LPAR1: variants seen among roughly 807,000 people sequenced by gnomAD.
LPAR1 encodes LPA receptor 1.
A neutral mutation model predicts 23.8 loss-of-function variants in LPAR1; 5 were observed. The observed-to-expected ratio is 0.21, with a 90% CI of 0.11 to 0.44. LPAR1 has a LOEUF of 0.44. LPAR1 is among the 20% of genes least tolerant of loss of function. LPAR1 has a pLI of 0.99. For synonymous variants in LPAR1, 160 were observed against 164.7 expected, an observed-to-expected ratio of 0.97 and a Z score of 0.22; for missense variants, 311 against 482.8, an observed-to-expected ratio of 0.64 and a Z score of 3.33.
intron 4 of LPAR1, 130 bp downstream of exon 4, chr9:110,971,943 C>G (rs1033710607): frequency 5.1e-6 from 4 of 791,342 alleles, no homozygotes; most frequent in Non-Finnish European, 8.5e-6. Context: ...CACCATTATT[C>G]GAATACACAC....
At chr9:110,903,882 C>CAAAAAAAA (rs61456167) in intron 5 of LPAR1, among the ~76,000 whole-genome samples, 1 of 77,250 alleles carries the variant, frequency 1.3e-5, no homozygotes, top group Non-Finnish European at 2.4e-5. Context: ...AAGTGAATTG[C>CAAAAAAAA]AAAAAAAAAA....
intron 4 of LPAR1, among the ~76,000 whole-genome samples, chr9:110,944,886 T>C (rs2095317365): frequency 1.3e-5 from 2 of 152,180 alleles, no homozygotes. Context: ...TGGACTAACT[T>C]ATACATAAGG....
intron 2 of LPAR1, among the ~76,000 whole-genome samples, chr9:111,015,478 T>C (rs573869990): frequency 5.3e-5 from 8 of 152,166 alleles, no homozygotes; most frequent in South Asian, 2.1e-4. Flanking sequence ...AACTTATAGG[T>C]AGAATCTTAA....
chr9:110,902,481 G>T (rs182752081), intron 5 of LPAR1, among the ~76,000 whole-genome samples: 8 of 152,032 alleles, frequency 5.3e-5, no homozygotes, highest in African/African-American at 7.2e-5. Flanking sequence ...TGTGAAGAAG[G>T]ACGTGTTTGC....
At chr9:110,934,948 GGAT>G (rs1321024025) in intron 5 of LPAR1, among the ~76,000 whole-genome samples, 2 of 152,090 alleles carry the variant, frequency 1.3e-5, no homozygotes, top group Admixed American at 1.3e-4. Context: ...AAAGCTAACA[GGAT>G]GCTAATATAT....
At chr9:111,037,825 C>G (rs1424342481) in intron 1 of LPAR1, 1 of 152,210 alleles carries the variant, frequency 6.6e-6, no homozygotes, top group East Asian at 1.9e-4. Context: ...CTGGGCGGGC[C>G]CCGGGGCGCA....
chr9:110,984,614 T>C (rs1400247088), intron 2 of LPAR1, among the ~76,000 whole-genome samples: 2 of 152,060 alleles, frequency 1.3e-5, no homozygotes, highest in Non-Finnish European at 2.9e-5. Flanking sequence ...TGCTGGATCA[T>C]ATGGTATAAT....
intron 2 of LPAR1, among the ~76,000 whole-genome samples, chr9:111,008,281 T>C (rs1039194469): frequency 2.0e-5 from 3 of 151,990 alleles, no homozygotes; most frequent in African/African-American, 7.3e-5. Flanking sequence ...AAGAGCAAAA[T>C]ACAGTGAAAA....
At chr9:110,917,149 C>T (rs909572738) in intron 5 of LPAR1, among the ~76,000 whole-genome samples, 1 of 145,790 alleles carries the variant, frequency 6.9e-6, no homozygotes, top group East Asian at 2.0e-4. Context: ...ACCAGCCTGG[C>T]TAACAAAGTG....
At chr9:110,890,423 A>C (rs2083745178) in intron 5 of LPAR1, among the ~76,000 whole-genome samples, 1 of 152,232 alleles carries the variant, frequency 6.6e-6, no homozygotes, top group Non-Finnish European at 1.5e-5. Context: ...ACATTTAAAA[A>C]AAATTCCAAT....
At chr9:111,029,596 T>C (rs983728816) in intron 2 of LPAR1, among the ~76,000 whole-genome samples, 8 of 152,092 alleles carry the variant, frequency 5.3e-5, no homozygotes, top group Non-Finnish European at 8.8e-5. Flanking sequence ...TAAGGCTGAC[T>C]TACCCTCTCC....
At chr9:110,951,221 G>A (rs2095559244) in intron 4 of LPAR1, among the ~76,000 whole-genome samples, 1 of 151,880 alleles carries the variant, frequency 6.6e-6, no homozygotes, top group South Asian at 2.1e-4. Context: ...ATAATTTTAA[G>A]AAGAAAATGA....
intron 2 of LPAR1, among the ~76,000 whole-genome samples, chr9:111,035,136 A>G (rs779875931): frequency 1.3e-5 from 2 of 152,034 alleles, no homozygotes; most frequent in Non-Finnish European, 2.9e-5. Context: ...CCTTGCATCT[A>G]CCACATGGAA....
intron 2 of LPAR1, among the ~76,000 whole-genome samples, chr9:111,030,454 G>T (rs943054971): frequency 1.3e-5 from 2 of 152,188 alleles, no homozygotes; most frequent in Non-Finnish European, 2.9e-5. Context: ...CAAGGCGGGG[G>T]TCCTCACTGA....
At chr9:111,017,484 C>A (rs1359776137) in intron 2 of LPAR1, among the ~76,000 whole-genome samples, 2 of 152,184 alleles carry the variant, frequency 1.3e-5, no homozygotes, top group African/African-American at 2.4e-5. Flanking sequence ...CACTTTATTT[C>A]CCCAAGGCAC....
intron 5 of LPAR1, among the ~76,000 whole-genome samples, chr9:110,879,147 G>A (rs2079970576): frequency 6.6e-6 from 1 of 152,072 alleles, no homozygotes; most frequent in African/African-American, 2.4e-5. Flanking sequence ...CCCGGTGCGG[G>A]AGCTCACGCC....
chr9:110,912,240 A>T (rs2092543530), intron 5 of LPAR1, among the ~76,000 whole-genome samples: 1 of 152,184 alleles, frequency 6.6e-6, no homozygotes, highest in South Asian at 2.1e-4. Flanking sequence ...CTTTGCTGTG[A>T]CCCTCTCCAT....
intron 5 of LPAR1, among the ~76,000 whole-genome samples, chr9:110,931,267 G>A (rs1293197473): frequency 5.8e-4 from 88 of 152,124 alleles, no homozygotes; most frequent in Non-Finnish European, 8.8e-5. Flanking sequence ...CATTCACATA[G>A]CACTTTGCCT....
chr9:110,977,813 AGGGAGGGC>A (rs765128501), intron 2 of LPAR1, among the ~76,000 whole-genome samples: 33 of 93,476 alleles, frequency 3.5e-4, no homozygotes, highest in South Asian at 8.4e-4. Flanking sequence ...GGAAGGAGGG[AGGGAGGGC>A]GGGAGGGAGG....
Sources: allele counts gnomAD v4.1 joint callset (sites outside exome capture counted in the v4.1 genomes callset), GRCh38; gene constraint gnomAD v4.1.1; transcripts MANE v1.5; gene names NCBI Gene and HGNC (gene_info 2026-07-23, HGNC 2026-07-21).